GPC6: variants seen among roughly 807,000 people sequenced by gnomAD.
The protein encoded by GPC6 is glypican 6, also known as glypican-6.
A neutral mutation model predicts 55.2 loss-of-function variants in GPC6; 14 were observed. The observed-to-expected ratio is 0.25, with a 90% confidence interval of 0.17 to 0.40. The LOEUF is 0.40. Ranked by LOEUF, GPC6 falls within the 10% of genes least tolerant of loss-of-function variation. The pLI is 1.00. For synonymous variants in GPC6, 278 were observed against 259.6 expected (o/e 1.07, Z -0.68); for missense variants, 641 against 708.5 (o/e 0.90, Z 1.08).
At chr13:93,681,976 T>A (rs938803076) in intron 2 of GPC6, among the ~76,000 whole-genome samples, 2 of 152,198 alleles carry the variant, frequency 1.3e-5, no homozygotes, top group African/African-American at 4.8e-5. Flanking sequence ...CTTAATTGTA[T>A]TGATTTTTTT....
chr13:93,226,152 T>A (rs1013983254), upstream of GPC6, among the ~76,000 whole-genome samples: 1 of 152,146 alleles, frequency 6.6e-6, no homozygotes, highest in Non-Finnish European at 1.5e-5. Flanking sequence ...GGGCATCTAG[T>A]GAGAGGGAAG....
chr13:93,471,033 AT>A lies in GPC6; in HGVS notation c.161-74226del, dbSNP rs139713156. ...ATCTGTGTCTCCTAAAGGTTTACCA[AT>A]TTTGTTGATTTTTTAAAAATCAGTT... is the stretch of plus-strand genomic sequence containing the variant. On this transcript the variant is annotated intron_variant, in intron 1 of 8. Coordinates refer to ENST00000377047, the MANE Select transcript of GPC6 (RefSeq NM_005708.5). Among the ~76,000 whole-genome samples the A allele has an allele frequency of 4.6e-3, 700 of 152,212 alleles. 7 individuals carry two copies. The highest frequency in any genetic ancestry group is 0.015 in the African/African-American group (631 of 41,532).
At chr13:93,327,120 G>A (rs1879684165) in intron 1 of GPC6, among the ~76,000 whole-genome samples, 1 of 152,156 alleles carries the variant, frequency 6.6e-6, no homozygotes, top group African/African-American at 2.4e-5. Context: ...TTTTTTTCCG[G>A]TAGTTTTTGA....
chr13:93,305,385 C>G (rs1014793650), intron 1 of GPC6, among the ~76,000 whole-genome samples: 2 of 152,086 alleles, frequency 1.3e-5, no homozygotes, highest in Admixed American at 6.6e-5. Context: ...AGTTTGCTGT[C>G]GTACTGGGAC....
intron 4 of GPC6, among the ~76,000 whole-genome samples, chr13:94,231,415 C>T (rs142930980): frequency 1.3e-5 from 2 of 152,202 alleles, no homozygotes; most frequent in African/African-American, 2.4e-5. Context: ...TTTGGCAGTC[C>T]GTGTCATCGC....
At chr13:94,247,739 G>A (rs114625893) in intron 4 of GPC6, among the ~76,000 whole-genome samples, 1,863 of 152,104 alleles carry the variant, frequency 0.012, 41 homozygotes, top group African/African-American at 0.043. Context: ...ATGTGCTGTT[G>A]AATTCAATTT....
intron 3 of GPC6, among the ~76,000 whole-genome samples, chr13:93,928,891 A>ACACATC (rs1878004224): frequency 6.7e-6 from 1 of 149,110 alleles, no homozygotes; most frequent in South Asian, 2.2e-4. Flanking sequence ...ACACACACAC[A>ACACATC]CATCTATATA....
chr13:93,227,340 T>G lies in GPC6; in HGVS notation c.-117T>G, dbSNP rs1594038848. 1 of 986,140 alleles carries G rather than the reference T, an allele frequency of 1.0e-6. No individual in the cohort carries two copies. The highest frequency in any genetic ancestry group is 1.6e-5 in the African/African-American group (1 of 61,154). 61.1% of individuals were successfully genotyped at this position (986,140 alleles called of 1,614,324 possible). A position where few individuals can be genotyped will look rare whatever the true frequency, so the allele number is the denominator to read the frequency against. ...CGTCCCCTCGGCTGGCAGAAGGGGG[T>G]GACGCTGGGCAGCGGCGAGGAGCGC... On this transcript the variant is annotated 5_prime_UTR_variant, in exon 1 of 9. Coordinates refer to ENST00000377047, the MANE Select transcript of GPC6 (RefSeq NM_005708.5). This position sits in a 1 kb window ranked among gnomAD's most constrained non-coding sequence, Gnocchi z 4.3.
intron 4 of GPC6, among the ~76,000 whole-genome samples, chr13:94,105,152 C>T (rs1048100886): frequency 2.0e-5 from 3 of 151,982 alleles, no homozygotes; most frequent in Non-Finnish European, 2.9e-5. Context: ...CCCTGGAGTT[C>T]AAGACCAGCC....
intron 3 of GPC6, among the ~76,000 whole-genome samples, chr13:93,925,294 A>G: frequency 6.6e-6 from 1 of 152,136 alleles, no homozygotes; most frequent in Non-Finnish European, 1.5e-5. Flanking sequence ...TTTTAATCCT[A>G]GTGTAGAGAA....
At chr13:94,220,642 A>G (rs1013973656) in intron 4 of GPC6, among the ~76,000 whole-genome samples, 8 of 152,112 alleles carry the variant, frequency 5.3e-5, no homozygotes, top group African/African-American at 1.9e-4. Context: ...CAAGGCATCA[A>G]CAAGGGCATG....
intron 1 of GPC6, among the ~76,000 whole-genome samples, chr13:93,309,816 TTTACTTAGACA>T (rs1421834181): frequency 6.6e-6 from 1 of 152,230 alleles, no homozygotes; most frequent in African/African-American, 2.4e-5. Context: ...ATGGTTCTTC[TTTACTTAGACA>T]TAAATTCCAA....
chr13:94,016,118 A>G (rs1284831427), intron 3 of GPC6, among the ~76,000 whole-genome samples: 4 of 152,208 alleles, frequency 2.6e-5, no homozygotes, highest in Non-Finnish European at 4.4e-5. Context: ...GATACTTCAT[A>G]TAAGTAGAAT....
chr13:93,733,991 C>G (rs575203462), intron 2 of GPC6, among the ~76,000 whole-genome samples: 1 of 152,170 alleles, frequency 6.6e-6, no homozygotes, highest in African/African-American at 2.4e-5. Context: ...CACCCACATA[C>G]TTTAATGACC....
At chr13:93,234,125 A>G (rs1876151829) in intron 1 of GPC6, among the ~76,000 whole-genome samples, 1 of 152,174 alleles carries the variant, frequency 6.6e-6, no homozygotes, top group South Asian at 2.1e-4. Context: ...AGCCCTTAGC[A>G]GCTCTCTGGC....
chr13:94,141,475 C>G (rs1338751250), intron 4 of GPC6, among the ~76,000 whole-genome samples: 1 of 152,038 alleles, frequency 6.6e-6, no homozygotes, highest in African/African-American at 2.4e-5. Flanking sequence ...GTCTGATGAT[C>G]TCTATTTTAA....
chr13:93,329,942 C>T (rs1879786766), intron 1 of GPC6, among the ~76,000 whole-genome samples: 2 of 152,174 alleles, frequency 1.3e-5, no homozygotes, highest in East Asian at 1.9e-4. Flanking sequence ...AGACTTAGAT[C>T]ATGTTTTATT....
chr13:93,883,364 T>G (rs1875116150), intron 3 of GPC6, among the ~76,000 whole-genome samples: 1 of 152,110 alleles, frequency 6.6e-6, no homozygotes, highest in African/African-American at 2.4e-5. Context: ...CCAACATAGT[T>G]AATGGGCTGT....
chr13:93,892,967 T>A (rs549355977), intron 3 of GPC6, among the ~76,000 whole-genome samples: 1 of 144,156 alleles, frequency 6.9e-6, no homozygotes, highest in African/African-American at 2.5e-5. Flanking sequence ...ATCAAAAATA[T>A]GTGCTGTTAA....
Sources: allele counts gnomAD v4.1 joint callset (sites outside exome capture counted in the v4.1 genomes callset), GRCh38; gene constraint gnomAD v4.1.1; non-coding constraint Gnocchi (gnomAD v3.1); transcripts MANE v1.5; gene names NCBI Gene and HGNC (gene_info 2026-07-23, HGNC 2026-07-21).